The following ST18 variants were observed in gnomAD, a reference collection of about 807,000 sequenced individuals.
The protein encoded by ST18 is ST18 C2H2C-type zinc finger transcription factor.
ST18 carries 50 observed loss-of-function variants against 110.0 expected under a neutral mutation model. The ratio of observed to expected loss-of-function variants is 0.45; its 90% confidence interval spans 0.36 to 0.58. The LOEUF (loss-of-function observed/expected upper bound fraction) is 0.58. Among genes scored for constraint, ST18 ranks in the 20% least tolerant of loss-of-function variants. The probability of loss-of-function intolerance (pLI) is 0.00; values close to 1 mark genes in which losing one functional copy is unlikely to be tolerated. For synonymous variants in ST18, 461 were observed against 452.4 expected (o/e 1.02, Z -0.24); for missense variants, 1,306 against 1,280.1 (o/e 1.02, Z -0.31).
chr8:52,314,347 C>A (rs952240620), intron 2 of ST18, among the ~76,000 whole-genome samples: 1 of 152,152 alleles, frequency 6.6e-6, no homozygotes, highest in African/African-American at 2.4e-5. Context: ...ATGGACCCAA[C>A]AGGCCCATTT....
At position 52,163,997 on chromosome 8, in the gene ST18, G is replaced by T; in HGVS notation, c.1389C>A (p.Asp463Glu). 8 of 1,613,896 alleles carry T rather than the reference G, an allele frequency of 5.0e-6. No individual in the cohort carries two copies. The highest frequency in any genetic ancestry group is 6.8e-6 in the Non-Finnish European group (8 of 1,179,836). Residue 463 changes from aspartate to glutamate, a missense_variant, in exon 13 of 26, where the codon GAC (aspartate) becomes GAA (glutamate). Coordinates refer to ENST00000689386, the MANE Select transcript of ST18 (RefSeq NM_001352837.2). ...LDSPQTGQCP[D>E]QAHRTSLVKQ... is the part of the protein sequence containing the mutation. ...TTAGGGGTTCATACCTGTGGGCCTG[G>T]TCAGGACACTGCCCAGTTTGGGGAG...
intron 2 of ST18, among the ~76,000 whole-genome samples, chr8:52,344,441 C>T (rs369790613): frequency 1.3e-5 from 2 of 152,084 alleles, no homozygotes; most frequent in African/African-American, 4.8e-5. Context: ...ACTGTTGTTG[C>T]CCAGGCTAGA....
intron 3 of ST18, among the ~76,000 whole-genome samples, chr8:52,225,473 G>T (rs1300654093): frequency 6.6e-6 from 1 of 152,170 alleles, no homozygotes; most frequent in African/African-American, 2.4e-5. Context: ...GCTTTGGGGG[G>T]CCAGTTTCTT....
At position 52,113,000 on chromosome 8, in the gene ST18, C is replaced by T. The variant is rs988848613; in HGVS notation, c.*198G>A. On this transcript the variant is annotated 3_prime_UTR_variant, in exon 26 of 26. Transcript: ENST00000689386. ...ATAAATAAGATCTAATAATTGACTG[C>T]ATTGCTTTTAATCCAAGAAGTCTAT... 1 of 438,396 alleles carries T rather than the reference C, an allele frequency of 2.3e-6. No individual in the cohort carries two copies. The highest frequency in any genetic ancestry group is 2.0e-5 in the African/African-American group (1 of 49,430). The allele number at this position is 438,396 out of a possible 1,614,324, so 27.2% of individuals were successfully genotyped here.
chr8:52,238,417 A>T (rs570684838), intron 2 of ST18, among the ~76,000 whole-genome samples: 2 of 152,334 alleles, frequency 1.3e-5, no homozygotes, highest in Middle Eastern at 3.4e-3. Flanking sequence ...CAACCTCTAT[A>T]GAAAACAGTA....
At chr8:52,362,450 G>T (rs893090633) in intron 2 of ST18, among the ~76,000 whole-genome samples, 2 of 152,054 alleles carry the variant, frequency 1.3e-5, no homozygotes, top group Non-Finnish European at 2.9e-5. Context: ...GCAACATTAG[G>T]CAAATTTATC....
chr8:52,223,437 A>G (rs1399535349), intron 3 of ST18, among the ~76,000 whole-genome samples: 1 of 152,148 alleles, frequency 6.6e-6, no homozygotes, highest in East Asian at 1.9e-4. Context: ...TGAGGCCAGG[A>G]GTTTGAGACC....
chr8:52,218,089 C>T (rs1437390236), intron 5 of ST18, among the ~76,000 whole-genome samples, 188 bp from the exon 6 acceptor site: 2 of 152,088 alleles, frequency 1.3e-5, no homozygotes, highest in South Asian at 2.1e-4. Flanking sequence ...CAAAACAAAA[C>T]CCAGCTGTCC....
intron 9 of ST18, among the ~76,000 whole-genome samples, chr8:52,175,561 G>A (rs1030585740): frequency 4.6e-5 from 7 of 152,148 alleles, no homozygotes; most frequent in Admixed American, 3.3e-4. Flanking sequence ...CTGAGACTGG[G>A]TCCTCATCTT....
At chr8:52,287,740 G>A (rs761651178) in intron 2 of ST18, among the ~76,000 whole-genome samples, 24 of 152,146 alleles carry the variant, frequency 1.6e-4, no homozygotes, top group Non-Finnish European at 2.9e-4. Context: ...AAGTTTTTCC[G>A]CTCACCCAGC....
chr8:52,222,409 T>A (rs984351496), intron 3 of ST18, among the ~76,000 whole-genome samples: 1 of 152,162 alleles, frequency 6.6e-6, no homozygotes, highest in Non-Finnish European at 1.5e-5. Flanking sequence ...AGCCCGGCCG[T>A]TTGCTGTCAG....
At chr8:52,309,941 G>T (rs1003122065) in intron 2 of ST18, among the ~76,000 whole-genome samples, 1 of 152,128 alleles carries the variant, frequency 6.6e-6, no homozygotes, top group Non-Finnish European at 1.5e-5. Flanking sequence ...CCTGCCCCAC[G>T]TTCTATGTTA....
At chr8:52,399,739 A>T (rs993634122) in intron 2 of ST18, among the ~76,000 whole-genome samples, 3 of 151,998 alleles carry the variant, frequency 2.0e-5, no homozygotes, top group African/African-American at 7.2e-5. Context: ...CGAATTTTTC[A>T]AGATTCCTCC....
intron 2 of ST18, among the ~76,000 whole-genome samples, chr8:52,380,372 T>G (rs546127921): frequency 6.6e-6 from 1 of 152,190 alleles, no homozygotes; most frequent in Admixed American, 6.5e-5. Context: ...GTTAATCGAT[T>G]GTTTATGTCA....
chr8:52,251,551 C>T (rs1469214115), intron 2 of ST18, among the ~76,000 whole-genome samples: 1 of 151,860 alleles, frequency 6.6e-6, no homozygotes, highest in Admixed American at 6.6e-5. Flanking sequence ...TGGTTATTGT[C>T]ATAAAAATCA....
At chr8:52,164,115 G>T (rs75265950) in intron 12 of ST18, 25 bp from the exon 13 acceptor site, 1 of 1,582,660 alleles carries the variant, frequency 6.3e-7, no homozygotes, top group Non-Finnish European at 8.7e-7. Flanking sequence ...AAACACAGGA[G>T]GATTTTAGTT....
chr8:52,182,889 A>C (rs1387547533), intron 8 of ST18, among the ~76,000 whole-genome samples: 2 of 152,134 alleles, frequency 1.3e-5, no homozygotes, highest in East Asian at 1.9e-4. Context: ...ATGGTTAATA[A>C]AAAAATTGGT....
At chr8:52,118,997 C>T (rs1296874352) in intron 23 of ST18, among the ~76,000 whole-genome samples, 2 of 152,162 alleles carry the variant, frequency 1.3e-5, no homozygotes, top group Admixed American at 6.5e-5. Flanking sequence ...AGCTGCGGGG[C>T]TGCTGGCAGG....
At chr8:52,387,363 A>G (rs1239762247) in intron 2 of ST18, among the ~76,000 whole-genome samples, 1 of 152,210 alleles carries the variant, frequency 6.6e-6, no homozygotes, top group Non-Finnish European at 1.5e-5. Flanking sequence ...TTTCAAAAAG[A>G]GTCACTGTCA....
Sources: allele counts gnomAD v4.1 joint callset (sites outside exome capture counted in the v4.1 genomes callset), GRCh38; gene constraint gnomAD v4.1.1; transcripts MANE v1.5; gene names NCBI Gene and HGNC (gene_info 2026-07-23, HGNC 2026-07-21).